Variants in ARSG observed in about 807,000 individuals in gnomAD.
ARSG encodes arylsulfatase G.
A neutral mutation model predicts 50.5 loss-of-function variants in ARSG; 37 were observed. The observed-to-expected ratio is 0.73, with a 90% confidence interval of 0.56 to 0.96. The LOEUF (loss-of-function observed/expected upper bound fraction) is 0.96. ARSG is among the 50% of genes least tolerant of loss of function. The probability of loss-of-function intolerance (pLI) is 0.00; values close to 1 mark genes in which losing one functional copy is unlikely to be tolerated. For synonymous variants in ARSG, 225 were observed against 254.6 expected (o/e 0.88, Z 1.11); for missense variants, 629 against 675.3 (o/e 0.93, Z 0.76).
chr17:68,411,763 C>G (rs887727618), intron 11 of ARSG, among the ~76,000 whole-genome samples: 1 of 147,854 alleles, frequency 6.8e-6, no homozygotes, highest in Non-Finnish European at 1.5e-5. Flanking sequence ...GAGTCTAAGT[C>G]TCTTTGTAGG....
At chr17:68,330,168 C>T (rs1343334259) in intron 2 of ARSG, among the ~76,000 whole-genome samples, 1 of 151,926 alleles carries the variant, frequency 6.6e-6, no homozygotes, top group African/African-American at 2.4e-5. Context: ...TGAGATCGAG[C>T]CACTGCACTC....
At chr17:68,328,248 T>G (rs577362479) in intron 2 of ARSG, among the ~76,000 whole-genome samples, 9 of 152,150 alleles carry the variant, frequency 5.9e-5, no homozygotes, top group African/African-American at 1.9e-4. Context: ...GCAGTCATCA[T>G]GTTGCCTGCC....
the ARSG span, chr17:68,436,280 A>T: frequency 9.6e-7 from 1 of 1,041,720 alleles, no homozygotes; most frequent in Non-Finnish European, 1.5e-6. Flanking sequence ...GCTTACTCCC[A>T]CCGCCTCCAG....
intron 2 of ARSG, among the ~76,000 whole-genome samples, chr17:68,331,241 C>CTTTCTTTCTTTG (rs2077749928): frequency 3.6e-5 from 3 of 82,546 alleles, no homozygotes; most frequent in Non-Finnish European, 5.4e-5. Context: ...TTGTTTCTTT[C>CTTTCTTTCTTTG]TTTCTTTCTT....
At chr17:68,273,328 C>G (rs1041545173) in intron 1 of ARSG, among the ~76,000 whole-genome samples, 1 of 151,956 alleles carries the variant, frequency 6.6e-6, no homozygotes, top group Admixed American at 6.6e-5. Flanking sequence ...CCCACCTCAG[C>G]CTCCAAAGTG....
chr17:68,421,529 A>C (rs2082772543), downstream of ARSG: 2 of 543,328 alleles, frequency 3.7e-6, no homozygotes, highest in Non-Finnish European at 6.6e-6. Flanking sequence ...TAGCATTTAC[A>C]CTATAGTTTG....
chr17:68,436,629 C>A, the ARSG span: 2,192 of 669,716 alleles, frequency 3.3e-3, 8 homozygotes, highest in Admixed American at 9.0e-3. Context: ...GCTGATGATT[C>A]TTCTGATTAA....
intron 2 of ARSG, among the ~76,000 whole-genome samples, chr17:68,331,646 G>A (rs1006925514): frequency 1.3e-5 from 2 of 152,190 alleles, no homozygotes; most frequent in Non-Finnish European, 1.5e-5. Context: ...ACAGGCATGA[G>A]CCACTGTGCC....
At chr17:68,382,982 T>TTTCTCC (rs2080510242) in intron 8 of ARSG, among the ~76,000 whole-genome samples, 1 of 152,218 alleles carries the variant, frequency 6.6e-6, no homozygotes. Context: ...AATCTTTTTC[T>TTTCTCC]TTCTCCTAAT....
downstream of ARSG, among the ~76,000 whole-genome samples, chr17:68,426,892 A>G (rs1423963778): frequency 6.6e-6 from 1 of 152,224 alleles, no homozygotes; most frequent in Non-Finnish European, 1.5e-5. Flanking sequence ...AAAAGACCGT[A>G]TCGTGTGATG....
rs2082720923 is a variant in ARSG at position 68,420,777 on chromosome 17, G to A, written c.*314G>A. 8.7e-6 allele frequency: 3 copies of A among 345,938 alleles called. No homozygotes were observed. Among genetic ancestry groups the A allele is most frequent in the Non-Finnish European group, 1.6e-5 (3 of 189,202 alleles). 21.4% of individuals were successfully genotyped at this position (345,938 alleles called of 1,614,324 possible). Reference sequence around the variant, plus strand: ...CCTAACCTGCAAGTTGATTTTGAGGGTTAAATAAAGGCATACATGAAAATG... The same window carrying A: ...CCTAACCTGCAAGTTGATTTTGAGGATTAAATAAAGGCATACATGAAAATG... On this transcript the variant is annotated 3_prime_UTR_variant, in exon 12 of 12. Coordinates refer to ENST00000621439, the MANE Select transcript of ARSG (RefSeq NM_001267727.2).
At chr17:68,431,617 T>C in the ARSG span, among the ~76,000 whole-genome samples, 1 of 102,894 alleles carries the variant, frequency 9.7e-6, no homozygotes, top group Non-Finnish European at 2.0e-5. Context: ...CTGGTATTGG[T>C]TGAAAGAGAC....
At chr17:68,272,184 C>A (rs781904436) in intron 1 of ARSG, among the ~76,000 whole-genome samples, 16 of 152,132 alleles carry the variant, frequency 1.1e-4, no homozygotes, top group Non-Finnish European at 2.4e-4. Flanking sequence ...GTGATCCGCC[C>A]ACCTCAGCCT....
intron 1 of ARSG, among the ~76,000 whole-genome samples, chr17:68,302,497 A>G (rs1160065285): frequency 6.6e-6 from 1 of 152,192 alleles, no homozygotes; most frequent in Non-Finnish European, 1.5e-5. Flanking sequence ...AGGAAGCCCA[A>G]GGACTTCAGC....
chr17:68,373,434 G>T (rs2079967284), intron 8 of ARSG, among the ~76,000 whole-genome samples: 1 of 151,588 alleles, frequency 6.6e-6, no homozygotes, highest in Admixed American at 6.6e-5. Context: ...TCTCCATGTT[G>T]GCCAGGCTGG....
intron 6 of ARSG, chr17:68,359,461 T>C (rs905988504): frequency 2.0e-5 from 3 of 152,172 alleles, no homozygotes; most frequent in Non-Finnish European, 4.4e-5. Flanking sequence ...AATGACCCCA[T>C]ATATGTTCAT....
intron 6 of ARSG, among the ~76,000 whole-genome samples, chr17:68,364,612 G>A (rs1568526972): frequency 1.3e-5 from 2 of 152,070 alleles, no homozygotes; most frequent in South Asian, 4.2e-4. Context: ...CACCCACCTC[G>A]GCCTTCCAAA....
intron 8 of ARSG, among the ~76,000 whole-genome samples, chr17:68,376,758 C>T (rs926293846): frequency 2.6e-5 from 4 of 152,092 alleles, no homozygotes; most frequent in African/African-American, 9.7e-5. Flanking sequence ...GTACCAGCCT[C>T]ATTTCCACTG....
the ARSG span, chr17:68,448,157 T>C: frequency 1.3e-5 from 2 of 152,296 alleles, no homozygotes; most frequent in Admixed American, 6.5e-5. Context: ...CTTGGGCCTT[T>C]ATCATTTCCC....
Sources: gnomAD v4.1 joint callset for allele counts (sites outside exome capture counted in the v4.1 genomes callset) on GRCh38, gnomAD v4.1.1 for gene constraint, MANE v1.5 for transcripts, NCBI Gene and HGNC (gene_info 2026-07-23, HGNC 2026-07-21) for gene names.